Variants in ZFAT observed in about 807,000 individuals in gnomAD.
ZFAT encodes the protein zinc finger protein ZFAT.
ZFAT carries 64 observed loss-of-function variants against 117.7 expected under a neutral mutation model. The observed-to-expected ratio is 0.54, with a 90% CI of 0.44 to 0.67. ZFAT has a LOEUF of 0.67. Ranked by LOEUF, ZFAT falls within the 30% of genes least tolerant of loss-of-function variation. The pLI is 0.00. For synonymous variants in ZFAT, 679 were observed against 615.0 expected, an observed-to-expected ratio of 1.10 and a Z score of -1.54; for missense variants, 1,433 against 1,584.5, an observed-to-expected ratio of 0.90 and a Z score of 1.62.
At chr8:134,549,919 C>G (rs1000140441) in intron 11 of ZFAT, among the ~76,000 whole-genome samples, 1 of 152,066 alleles carries the variant, frequency 6.6e-6, no homozygotes, top group Non-Finnish European at 1.5e-5. Flanking sequence ...GAGACAAACG[C>G]CCGAAAGGAA....
chr8:134,694,788 G>A (rs1435612876), intron 1 of ZFAT, among the ~76,000 whole-genome samples: 4 of 152,130 alleles, frequency 2.6e-5, no homozygotes, highest in Non-Finnish European at 4.4e-5. Context: ...AAGAATAAAA[G>A]GTGTCCATGT....
intron 1 of ZFAT, among the ~76,000 whole-genome samples, chr8:134,710,147 C>A (rs1813935144): frequency 6.6e-6 from 1 of 152,166 alleles, no homozygotes; most frequent in African/African-American, 2.4e-5. Flanking sequence ...GTGGGCAACT[C>A]ATTCTCTCTA....
the ZFAT span, among the ~76,000 whole-genome samples, chr8:134,819,275 A>G: frequency 1.3e-5 from 2 of 151,140 alleles, no homozygotes; most frequent in Non-Finnish European, 3.0e-5. Context: ...TGAAGGAAAA[A>G]AAAAAGGAAA....
In ZFAT at chr8:134,565,433, C is replaced by A. The variant is rs376853051; in HGVS notation, c.2888-12G>T. 3 of 1,610,992 alleles carry A rather than the reference C, an allele frequency of 1.9e-6. No individual in the cohort carries two copies. The African/African-American group carries it at 4.0e-5, about 22-fold the overall frequency. ...CTTAAACTGCTTCCCTGGAAAGAAG[C>A]GGAGGACAAGATGAGCGTCGCCAGG... On this transcript the variant is annotated splice_polypyrimidine_tract_variant and intron_variant, in intron 10 of 15. Transcript: ENST00000377838.
the ZFAT span, among the ~76,000 whole-genome samples, chr8:134,739,726 G>T: frequency 2.6e-5 from 4 of 152,228 alleles, no homozygotes; most frequent in Admixed American, 6.5e-5. Context: ...AATGTGATGG[G>T]CATGGAACAG....
intron 15 of ZFAT, among the ~76,000 whole-genome samples, chr8:134,486,167 T>TA (rs1422666460): frequency 6.6e-6 from 1 of 152,226 alleles, no homozygotes; most frequent in African/African-American, 2.4e-5. Context: ...GTTAACCCCT[T>TA]ACTGGGTTTG....
chr8:134,578,958 G>A (rs368361095), intron 10 of ZFAT, among the ~76,000 whole-genome samples: 29 of 152,178 alleles, frequency 1.9e-4, no homozygotes, highest in Admixed American at 5.2e-4. Context: ...CTTTTGTACC[G>A]AAGTCTGGCT....
At chr8:134,672,164 A>T (rs1741520188) in intron 1 of ZFAT, among the ~76,000 whole-genome samples, 1 of 152,286 alleles carries the variant, frequency 6.6e-6, no homozygotes, top group African/African-American at 2.4e-5. Context: ...AATATTGTGA[A>T]AATGGCCATA....
rs181874394 is a variant in ZFAT, at chr8:134,620,182, G to C, written c.449-9527C>G. ...GCTTACAGGAAGCTCAGGCACCACA[G>C]CATGCAAACACTGCTCCTTTCCTTC... On this transcript the variant is annotated intron_variant, in intron 3 of 15. Transcript: ENST00000377838. Among the ~76,000 whole-genome samples, 306 of 152,338 alleles carry C rather than the reference G, an allele frequency of 2.0e-3. 1 individual carries two copies. The highest frequency in any genetic ancestry group is 2.2e-3 in the Non-Finnish European group (153 of 68,034).
the ZFAT span, among the ~76,000 whole-genome samples, chr8:134,752,892 C>T: frequency 9.2e-5 from 14 of 152,132 alleles, no homozygotes; most frequent in Non-Finnish European, 1.8e-4. Flanking sequence ...TCTCCAAATA[C>T]CATCACACAG....
chr8:134,813,801 T>TACACACACACAC, the ZFAT span, among the ~76,000 whole-genome samples: 4 of 147,030 alleles, frequency 2.7e-5, no homozygotes, highest in African/African-American at 5.0e-5. Flanking sequence ...TTTGATTTTA[T>TACACACACACAC]ACACACACAC....
intron 1 of ZFAT, among the ~76,000 whole-genome samples, chr8:134,702,409 A>T (rs1350833781): frequency 6.6e-6 from 1 of 152,228 alleles, no homozygotes; most frequent in Non-Finnish European, 1.5e-5. Context: ...CTTAAATTGT[A>T]GCCCCCATAA....
At chr8:134,648,809 C>G (rs1413692775) in intron 2 of ZFAT, among the ~76,000 whole-genome samples, 15 of 151,942 alleles carry the variant, frequency 9.9e-5, no homozygotes, top group Non-Finnish European at 2.1e-4. Context: ...TACCCTGAAA[C>G]CAAAACCAAA....
intron 12 of ZFAT, among the ~76,000 whole-genome samples, chr8:134,523,161 C>A (rs192276360): frequency 5.9e-5 from 9 of 152,310 alleles, no homozygotes; most frequent in Admixed American, 5.9e-4. Flanking sequence ...TGCATGGGTG[C>A]AAGTACCACT....
chr8:134,759,990 AC>A, the ZFAT span, among the ~76,000 whole-genome samples: 200 of 148,774 alleles, frequency 1.3e-3, 3 homozygotes, highest in African/African-American at 4.4e-3. Context: ...AAAAAAAAAA[AC>A]AAACAGAGGC....
intron 2 of ZFAT, among the ~76,000 whole-genome samples, chr8:134,645,027 G>A (rs1436141108): frequency 6.6e-6 from 1 of 152,118 alleles, no homozygotes; most frequent in Non-Finnish European, 1.5e-5. Context: ...ACACGAGAAT[G>A]AGCTTGGTCC....
chr8:134,650,229 T>C (rs1831157719), intron 2 of ZFAT, among the ~76,000 whole-genome samples: 2 of 151,624 alleles, frequency 1.3e-5, no homozygotes, highest in African/African-American at 4.8e-5. Context: ...TTCAAGTGAT[T>C]CTTCTGCTGC....
In ZFAT at chr8:134,600,593, G is replaced by T; in HGVS notation, c.2318C>A (p.Ser773Tyr). Residue 773 changes from serine (S) to tyrosine (Y), a missense_variant, in exon 7 of 16, where the codon TCT becomes TAT. By Grantham distance (144) the Ser-to-Tyr change is moderately radical. Around this residue, in one of 5 missense-constraint regions of ZFAT, gnomAD observed 49 missense variants for 81.5 expected, o/e 0.60. Coordinates refer to ENST00000377838, the MANE Select transcript of ZFAT (RefSeq NM_020863.4). ...GGTGATGGAAGAATAATGACACTGA[G>T]AGCAATAATACAGATGTTCCCGGGT... ...THTREHLYYC[S>Y]QCHYSSITKN... The T allele has an allele frequency of 6.2e-7, 1 of 1,614,006 alleles. No homozygotes were observed.
At chr8:134,507,870 C>G (rs1185778056) in intron 15 of ZFAT, among the ~76,000 whole-genome samples, 1 of 152,160 alleles carries the variant, frequency 6.6e-6, no homozygotes, top group East Asian at 1.9e-4. Flanking sequence ...CCCAGAGAGA[C>G]CCTTCCTAAA....
Sources: allele counts gnomAD v4.1 joint callset (sites outside exome capture counted in the v4.1 genomes callset), GRCh38; gene constraint gnomAD v4.1.1; regional missense constraint gnomAD v4.1.1; transcripts MANE v1.5; gene names NCBI Gene and HGNC (gene_info 2026-07-23, HGNC 2026-07-21).